TMEM178A: variants seen among roughly 807,000 people sequenced by gnomAD.
The protein encoded by TMEM178A is transmembrane protein 178A.
In TMEM178A, 12 loss-of-function variants were observed where a neutral mutation model predicts 29.1. The ratio of observed to expected loss-of-function variants is 0.41; its 90% CI spans 0.26 to 0.67. The LOEUF (loss-of-function observed/expected upper bound fraction) is 0.67. Ranked by LOEUF, TMEM178A falls within the 30% of genes least tolerant of loss-of-function variation. The pLI, the probability that TMEM178A is intolerant of heterozygous loss-of-function variation, is 0.29. For missense variants in TMEM178A, 366 were observed against 419.1 expected, an observed-to-expected ratio of 0.87 and a Z score of 1.11; for synonymous variants, 210 against 187.2, an observed-to-expected ratio of 1.12 and a Z score of -0.99.
At chr2:39,705,786 C>T (rs1672004355) in intron 2 of TMEM178A, among the ~76,000 whole-genome samples, 1 of 152,186 alleles carries the variant, frequency 6.6e-6, no homozygotes, top group Non-Finnish European at 1.5e-5. Flanking sequence ...GGCACTTTCA[C>T]TTTAGCAGAG....
At position 39,679,530 on chromosome 2, in the gene TMEM178A, G is replaced by A. The variant is rs982989285; in HGVS notation, c.400+13156G>A. 2.6e-5 allele frequency among the ~76,000 whole-genome samples: 4 copies of A among 151,990 alleles called. 1 individual carries two copies. The highest frequency in any genetic ancestry group is 5.9e-5 in the Non-Finnish European group (4 of 67,984). Reference sequence around the variant, plus strand: ...TTTATGGAGATTTTCCTCATAAAATGTTCTTAATCCTTAATAGAAGGATTA... The same window carrying A: ...TTTATGGAGATTTTCCTCATAAAATATTCTTAATCCTTAATAGAAGGATTA... On this transcript the variant is annotated intron_variant, in intron 1 of 3. Coordinates refer to ENST00000281961, the MANE Select transcript of TMEM178A (RefSeq NM_152390.3).
intron 1 of TMEM178A, among the ~76,000 whole-genome samples, chr2:39,672,824 A>T (rs1378163208): frequency 6.6e-6 from 1 of 152,216 alleles, no homozygotes; most frequent in Non-Finnish European, 1.5e-5. Flanking sequence ...GGTGTGAGCC[A>T]CTGGGTTTCC....
downstream of TMEM178A, among the ~76,000 whole-genome samples, chr2:39,721,560 A>G (rs1029313461): frequency 6.6e-6 from 1 of 152,188 alleles, no homozygotes; most frequent in African/African-American, 2.4e-5. Context: ...GAGCAGAAAG[A>G]ACAAGGGAAG....
intron 1 of TMEM178A, among the ~76,000 whole-genome samples, chr2:39,688,457 G>A (rs1008809785): frequency 2.0e-5 from 3 of 152,218 alleles, no homozygotes; most frequent in Non-Finnish European, 4.4e-5. Flanking sequence ...TAATGGCTTT[G>A]GGATTTGGCT....
Position 39,708,235 on chromosome 2 carries a change from G to C in TMEM178A, c.652+1049G>C, listed in dbSNP as rs547141091. Among the ~76,000 whole-genome samples the C allele has an allele frequency of 1.2e-4, 18 of 152,070 alleles. No individual in the cohort carries two copies. In the South Asian group the frequency reaches 3.7e-3, roughly 32 times the overall value. On this transcript the variant is annotated intron_variant, in intron 3 of 3. Coordinates refer to ENST00000281961, the MANE Select transcript of TMEM178A (RefSeq NM_152390.3). ...TGGGGAAACCGCCAGTGCCAAACCTGAGAGAAGCGGCCAGTGGGGCTGGAG... is the reference window on the plus strand; with the variant it reads ...TGGGGAAACCGCCAGTGCCAAACCTCAGAGAAGCGGCCAGTGGGGCTGGAG...
intron 3 of TMEM178A, among the ~76,000 whole-genome samples, chr2:39,707,670 T>C (rs1315522241): frequency 4.6e-5 from 7 of 152,108 alleles, no homozygotes; most frequent in South Asian, 2.1e-4. Flanking sequence ...TTCACCATGT[T>C]GGCCAGGCTG....
the TMEM178A span, among the ~76,000 whole-genome samples, chr2:39,728,971 A>T: frequency 6.6e-6 from 1 of 152,198 alleles, no homozygotes; most frequent in African/African-American, 2.4e-5. Context: ...TCCACTGAGA[A>T]TGAGATGTGC....
chr2:39,725,648 A>G, the TMEM178A span, among the ~76,000 whole-genome samples: 1 of 152,182 alleles, frequency 6.6e-6, no homozygotes, highest in Non-Finnish European at 1.5e-5. Context: ...ATGCCAGTAA[A>G]TGTGTGTTGA....
chr2:39,714,267 G>T (rs1013427125), intron 3 of TMEM178A, among the ~76,000 whole-genome samples: 1 of 151,952 alleles, frequency 6.6e-6, no homozygotes, highest in Non-Finnish European at 1.5e-5. Context: ...GGGCTGATAG[G>T]CCTCCTCTCC....
intron 1 of TMEM178A, among the ~76,000 whole-genome samples, chr2:39,681,953 C>T (rs1334301036): frequency 6.6e-6 from 1 of 152,186 alleles, no homozygotes; most frequent in Non-Finnish European, 1.5e-5. Flanking sequence ...ACCCTGAGAA[C>T]CAGGAGCTGT....
intron 3 of TMEM178A, among the ~76,000 whole-genome samples, chr2:39,708,848 T>A (rs1187343276): frequency 1.3e-5 from 2 of 152,128 alleles, no homozygotes; most frequent in South Asian, 2.1e-4. Context: ...TGACCGAAGG[T>A]AGCTTCAGGG....
chr2:39,677,147 C>T (rs116137881), intron 1 of TMEM178A, among the ~76,000 whole-genome samples: 1,632 of 152,240 alleles, frequency 0.011, 35 homozygotes, highest in African/African-American at 0.037. Context: ...CCTTTGTCCT[C>T]ACTCTCGTCC....
At chr2:39,690,423 C>T (rs995187259) in intron 1 of TMEM178A, among the ~76,000 whole-genome samples, 4 of 152,174 alleles carry the variant, frequency 2.6e-5, no homozygotes, top group African/African-American at 9.7e-5. Context: ...GTGAACAGTT[C>T]AGGACACTGC....
chr2:39,677,497 A>G (rs1213022343), intron 1 of TMEM178A, among the ~76,000 whole-genome samples: 2 of 152,196 alleles, frequency 1.3e-5, no homozygotes, highest in Non-Finnish European at 2.9e-5. Context: ...ATTAGAAATT[A>G]AACAATTCTA....
the TMEM178A span, among the ~76,000 whole-genome samples, chr2:39,734,391 G>C: frequency 0.022 from 3,373 of 152,170 alleles, 58 homozygotes; most frequent in Non-Finnish European, 0.037. Context: ...GTTTTCTTTG[G>C]AGTTTCCTCT....
chr2:39,665,941 G>T lies in TMEM178A; in HGVS notation c.-34G>T. On this transcript the variant is annotated 5_prime_UTR_variant, in exon 1 of 4. Transcript: ENST00000281961. ...TGCATTGTGTCTGGCGGCGGCGCGC[G>T]AGCCCACCGGCGGCTGCGGCGGGGC... is the stretch of plus-strand genomic sequence containing the variant. The T allele has an allele frequency of 1.5e-6, 2 of 1,341,836 alleles. No homozygotes were observed. Among genetic ancestry groups the T allele is most frequent in the Non-Finnish European group, 1.9e-6 (2 of 1,049,764 alleles). 83.1% of individuals were successfully genotyped at this position (1,341,836 alleles called of 1,614,324 possible). A position where few individuals can be genotyped will look rare whatever the true frequency, so the allele number is the denominator to read the frequency against.
Position 39,717,353 on chromosome 2 carries a change from T to G in TMEM178A, c.*102T>G. 6.8e-7 allele frequency: 1 copy of G among 1,468,552 alleles called. No individual in the cohort carries two copies. The highest frequency in any genetic ancestry group is 9.1e-7 in the Non-Finnish European group (1 of 1,101,476). The allele number at this position is 1,468,552 out of a possible 1,614,324, so 91.0% of individuals were successfully genotyped here. On this transcript the variant is annotated 3_prime_UTR_variant, in exon 4 of 4. Coordinates refer to ENST00000281961, the MANE Select transcript of TMEM178A (RefSeq NM_152390.3). Reference sequence around the variant, plus strand: ...AGCGGTCTTTTACATTCCAACCTGTTGCCTGCCAGCCCTTTCTGGATTACT... The same window carrying G: ...AGCGGTCTTTTACATTCCAACCTGTGGCCTGCCAGCCCTTTCTGGATTACT...
chr2:39,706,840 G>T (rs1432173292), intron 2 of TMEM178A, among the ~76,000 whole-genome samples: 3 of 152,298 alleles, frequency 2.0e-5, no homozygotes, highest in African/African-American at 7.2e-5. Flanking sequence ...CTCAGAGACG[G>T]TATAGTCTGA....
At chr2:39,699,514 T>C (rs2148093475) in intron 1 of TMEM178A, among the ~76,000 whole-genome samples, 1 of 151,896 alleles carries the variant, frequency 6.6e-6, no homozygotes, top group African/African-American at 2.4e-5. Flanking sequence ...TGGAGTGCAG[T>C]GGTGCAATCT....
Sources: gnomAD v4.1 joint callset for allele counts (sites outside exome capture counted in the v4.1 genomes callset) on GRCh38, gnomAD v4.1.1 for gene constraint, MANE v1.5 for transcripts, NCBI Gene and HGNC (gene_info 2026-07-23, HGNC 2026-07-21) for gene names.